Variants in RAB11FIP4 observed in about 807,000 individuals in gnomAD.
RAB11FIP4 encodes the protein rab11 family-interacting protein 4.
Under a neutral mutation model 74.3 loss-of-function variants are expected in RAB11FIP4, and 23 were observed. The ratio of observed to expected loss-of-function variants is 0.31; its 90% CI spans 0.22 to 0.44. The LOEUF (loss-of-function observed/expected upper bound fraction) is 0.44, where lower values mean the gene tolerates loss of function less well. Among genes scored for constraint, RAB11FIP4 ranks in the 20% least tolerant of loss-of-function variants. The pLI is 1.00. For synonymous variants in RAB11FIP4, 360 were observed against 359.9 expected (o/e 1.00, Z 0.00); for missense variants, 630 against 863.9 (o/e 0.73, Z 3.39).
intron 3 of RAB11FIP4, among the ~76,000 whole-genome samples, chr17:31,511,060 T>C (rs1419256124): frequency 6.6e-6 from 1 of 152,144 alleles, no homozygotes; most frequent in Non-Finnish European, 1.5e-5. Context: ...CTGAGCACTT[T>C]CTGTGTGTGC....
At chr17:31,435,509 C>G (rs1018734114) in intron 3 of RAB11FIP4, among the ~76,000 whole-genome samples, 6 of 152,180 alleles carry the variant, frequency 3.9e-5, no homozygotes, top group African/African-American at 1.4e-4. Context: ...GGTGGCAACA[C>G]CCAGAACTAG....
intron 3 of RAB11FIP4, among the ~76,000 whole-genome samples, chr17:31,516,565 G>T (rs1347971667): frequency 6.6e-6 from 1 of 152,238 alleles, no homozygotes; most frequent in Admixed American, 6.5e-5. Context: ...CGCCTCCTAG[G>T]TTCACGCCAT....
chr17:31,416,003 G>A (rs570085066), intron 1 of RAB11FIP4, among the ~76,000 whole-genome samples: 78 of 152,202 alleles, frequency 5.1e-4, no homozygotes, highest in African/African-American at 1.8e-3. Flanking sequence ...GGTCGGAAGT[G>A]CATTATAGAT....
chr17:31,484,838 C>A (rs1194781392), intron 3 of RAB11FIP4, among the ~76,000 whole-genome samples: 1 of 152,140 alleles, frequency 6.6e-6, no homozygotes, highest in Non-Finnish European at 1.5e-5. Flanking sequence ...TTTTACTGGT[C>A]CTGATTATTT....
chr17:31,485,650 G>T lies in RAB11FIP4; in HGVS notation c.337-32001G>T, dbSNP rs151305709. On this transcript the variant is annotated intron_variant, in intron 3 of 14. Transcript: ENST00000621161. ...CTTTTGGGACACTGCTGAGCTTAAG[G>T]TCTCAGGGTGGAGATGGGAAGGCAG... 1.4e-3 allele frequency among the ~76,000 whole-genome samples: 215 copies of T among 152,274 alleles called. 1 individual carries two copies. Among genetic ancestry groups the T allele is most frequent in the African/African-American group, 4.9e-3 (202 of 41,562 alleles).
intron 3 of RAB11FIP4, among the ~76,000 whole-genome samples, chr17:31,499,135 G>C (rs56364995): frequency 0.11 from 17,373 of 152,220 alleles, 1,316 homozygotes; most frequent in East Asian, 0.28. Context: ...GAGATGCAGT[G>C]GCTGCATGGG....
intron 1 of RAB11FIP4, among the ~76,000 whole-genome samples, chr17:31,425,892 C>G (rs894422925): frequency 7.2e-5 from 11 of 152,212 alleles, no homozygotes; most frequent in Non-Finnish European, 1.5e-4. Context: ...CCAGGCTCCC[C>G]ACGAAGACCA....
At position 31,525,159 on chromosome 17, in the gene RAB11FIP4, G is replaced by A. The variant is rs147803443; in HGVS notation, c.1203G>A (p.Ala401=). The A allele has an allele frequency of 3.4e-5, 52 of 1,549,146 alleles. No homozygotes were observed. Among genetic ancestry groups the A allele is most frequent in the African/African-American group, 1.8e-4 (13 of 72,904 alleles). Residue 401 remains alanine, a synonymous_variant, in exon 10 of 15, where the codon GCG becomes GCA. Transcript: ENST00000621161. The part of the protein sequence containing the change: ...TTAEQALEEE[A]RRHREAYGKL... ...CCGAGCAGGCTCTGGAGGAGGAGGCGCGGCGCCACCGCGAGGCCTACGGCA... is the reference window on the plus strand; with the variant it reads ...CCGAGCAGGCTCTGGAGGAGGAGGCACGGCGCCACCGCGAGGCCTACGGCA...
In RAB11FIP4 at chr17:31,523,578, C is replaced by T. The variant is rs775528280; in HGVS notation, c.996C>T (p.Ser332=). ...NGSTEDLFRD[S]IDSCDNDITE... is the part of the protein sequence containing the mutation. ...GCACCGAAGACCTGTTCCGGGACAG[C>T]ATTGACTCTTGCGACAATGACATCA... is the stretch of plus-strand genomic sequence containing the variant. The change falls in exon 8 of 15, where the codon AGC becomes AGT. Residue 332 remains serine (S), a synonymous_variant. Coordinates refer to ENST00000621161, the MANE Select transcript of RAB11FIP4 (RefSeq NM_032932.6). The T allele has an allele frequency of 2.5e-6, 4 of 1,614,142 alleles. No homozygotes were observed. In the Admixed American group the frequency reaches 5.0e-5, roughly 20 times the overall value.
chr17:31,439,670 G>A (rs1037712694), intron 3 of RAB11FIP4, among the ~76,000 whole-genome samples: 6 of 152,146 alleles, frequency 3.9e-5, no homozygotes, highest in Non-Finnish European at 5.9e-5. Flanking sequence ...GAGTGCAGTG[G>A]CTCAATCTCA....
At chr17:31,466,535 C>T (rs531840683) in intron 3 of RAB11FIP4, among the ~76,000 whole-genome samples, 4 of 152,358 alleles carry the variant, frequency 2.6e-5, no homozygotes, top group African/African-American at 9.6e-5. Flanking sequence ...GATGCTGAGA[C>T]TTTGCCGAGG....
chr17:31,403,390 T>C (rs2071013063), intron 1 of RAB11FIP4, among the ~76,000 whole-genome samples: 1 of 151,708 alleles, frequency 6.6e-6, no homozygotes, highest in Admixed American at 6.6e-5. Flanking sequence ...TGGCGCAATC[T>C]CGGCTCACTG....
At chr17:31,443,171 T>C (rs1241337354) in intron 3 of RAB11FIP4, among the ~76,000 whole-genome samples, 1 of 152,180 alleles carries the variant, frequency 6.6e-6, no homozygotes, top group Non-Finnish European at 1.5e-5. Flanking sequence ...TTAAAGTACA[T>C]TTTTTGGTCA....
chr17:31,448,087 C>G (rs1268194009), intron 3 of RAB11FIP4, among the ~76,000 whole-genome samples: 2 of 152,188 alleles, frequency 1.3e-5, no homozygotes, highest in African/African-American at 4.8e-5. Context: ...GCTAGGATTA[C>G]AGGTGTAAGC....
rs1384252557 is a variant in RAB11FIP4 at position 31,495,419 on chromosome 17, GGCTAGAGTGCA to G, written c.337-22229_337-22219del. 2.0e-5 allele frequency among the ~76,000 whole-genome samples: 3 copies of G among 147,184 alleles called. No homozygotes were observed. In the Admixed American group the frequency reaches 2.1e-4, roughly 10 times the overall value. ...AGACAGGGTTTCGCATTTCTGCCCA[GGCTAGAGTGCA>G]GCGATACAATCTTGGCTCACTGTAG... On this transcript the variant is annotated intron_variant, in intron 3 of 14. Coordinates refer to ENST00000621161, the MANE Select transcript of RAB11FIP4 (RefSeq NM_032932.6).
chr17:31,401,706 A>G (rs1289751075), intron 1 of RAB11FIP4, among the ~76,000 whole-genome samples: 1 of 152,246 alleles, frequency 6.6e-6, no homozygotes. Context: ...ATCCCAGTCT[A>G]AGGCTAGCAC....
At chr17:31,411,721 G>A (rs116786833) in intron 1 of RAB11FIP4, among the ~76,000 whole-genome samples, 1,737 of 152,328 alleles carry the variant, frequency 0.011, 26 homozygotes, top group African/African-American at 0.031. Flanking sequence ...TGCAAAGAGC[G>A]TCTACAAAAT....
chr17:31,434,170 T>C, intron 3 of RAB11FIP4, 48 bp downstream of exon 3: 5 of 1,446,768 alleles, frequency 3.5e-6, no homozygotes, highest in South Asian at 1.2e-5. Context: ...GCCTCCTCCT[T>C]CTTGGTCTTG....
intron 3 of RAB11FIP4, chr17:31,465,628 C>T (rs1187627928): frequency 1.3e-5 from 2 of 151,302 alleles, no homozygotes; most frequent in African/African-American, 2.4e-5. Flanking sequence ...CTGTGATGCT[C>T]TATGTTGATC....
Sources: gnomAD v4.1 joint callset for allele counts (sites outside exome capture counted in the v4.1 genomes callset) on GRCh38, gnomAD v4.1.1 for gene constraint, MANE v1.5 for transcripts, NCBI Gene and HGNC (gene_info 2026-07-23, HGNC 2026-07-21) for gene names.